Variants in SPATA16 observed in about 807,000 individuals in gnomAD.
SPATA16 encodes spermatogenesis-associated protein 16.
In SPATA16, 36 loss-of-function variants were observed where a neutral mutation model predicts 63.3. The ratio of observed to expected loss-of-function variants is 0.57; its 90% CI spans 0.44 to 0.75. SPATA16 has a LOEUF of 0.75. SPATA16 is among the 30% of genes least tolerant of loss of function. The pLI, the probability that SPATA16 is intolerant of heterozygous loss-of-function variation, is 0.00. For missense variants in SPATA16, 646 were observed against 679.3 expected, an observed-to-expected ratio of 0.95 and a Z score of 0.54; for synonymous variants, 203 against 216.7, an observed-to-expected ratio of 0.94 and a Z score of 0.56.
chr3:173,019,729 GC>G (rs1735277146), intron 3 of SPATA16, among the ~76,000 whole-genome samples, 154 bp from the exon 4 acceptor site: 2 of 152,054 alleles, frequency 1.3e-5, no homozygotes, highest in Admixed American at 1.3e-4. Flanking sequence ...CCCGTAATTG[GC>G]AATTAAGACA....
chr3:172,917,334 T>C (rs182086127), intron 8 of SPATA16, among the ~76,000 whole-genome samples: 3 of 152,276 alleles, frequency 2.0e-5, no homozygotes, highest in Admixed American at 2.0e-4. Context: ...GATTTGGGGG[T>C]ATATAAGGGT....
chr3:173,123,829 C>T (rs1738154043), intron 1 of SPATA16, among the ~76,000 whole-genome samples: 1 of 152,016 alleles, frequency 6.6e-6, no homozygotes, highest in African/African-American at 2.4e-5. Flanking sequence ...ATCTTGAACT[C>T]CTGACCTCAG....
At chr3:172,958,193 A>T (rs11915207) in intron 5 of SPATA16, among the ~76,000 whole-genome samples, 2 of 152,146 alleles carry the variant, frequency 1.3e-5, no homozygotes. Flanking sequence ...GATGGAGTGC[A>T]TGGCAAATAA....
intron 1 of SPATA16, among the ~76,000 whole-genome samples, chr3:173,130,133 C>T (rs774602895): frequency 6.6e-6 from 1 of 151,880 alleles, no homozygotes; most frequent in Non-Finnish European, 1.5e-5. Context: ...GGGGTCGAGG[C>T]GGCGGATCAC....
chr3:173,136,283 AGTTGC>A (rs1228123715), intron 1 of SPATA16, among the ~76,000 whole-genome samples: 1 of 152,196 alleles, frequency 6.6e-6, no homozygotes, highest in East Asian at 1.9e-4. Context: ...AACATGTAGC[AGTTGC>A]TTGCTTTCAT....
At chr3:172,999,395 A>ATTTCTTTCTTTCTTTC (rs144082601) in intron 4 of SPATA16, among the ~76,000 whole-genome samples, 18 of 150,572 alleles carry the variant, frequency 1.2e-4, no homozygotes, top group East Asian at 2.0e-4. Context: ...CCCCTATTTC[A>ATTTCTTTCTTTCTTTC]TTTCTTTCTT....
At chr3:173,049,218 GTA>G in intron 2 of SPATA16, 124 bp from the exon 3 acceptor site, 4 of 1,032,746 alleles carry the variant, frequency 3.9e-6, no homozygotes, top group South Asian at 3.4e-5. Context: ...TATGTTTTGC[GTA>G]TATGTTAAAA....
intron 4 of SPATA16, among the ~76,000 whole-genome samples, chr3:172,991,525 T>C (rs140342737): frequency 0.011 from 1,642 of 152,316 alleles, 67 homozygotes; most frequent in Admixed American, 0.022. Context: ...CATGTATTTA[T>C]CTGCAGCCAG....
intron 5 of SPATA16, among the ~76,000 whole-genome samples, chr3:172,973,087 T>C (rs1219054785): frequency 6.6e-6 from 1 of 152,210 alleles, no homozygotes; most frequent in Non-Finnish European, 1.5e-5. Context: ...GACATTAAAA[T>C]GAAATGTTGA....
chr3:173,140,181 A>G (rs1738670030), intron 1 of SPATA16, among the ~76,000 whole-genome samples: 1 of 152,196 alleles, frequency 6.6e-6, no homozygotes, highest in Non-Finnish European at 1.5e-5. Context: ...AAATTAGGGT[A>G]GTTTCTGTTA....
At chr3:172,953,227 A>G (rs1456357051) in intron 6 of SPATA16, among the ~76,000 whole-genome samples, 3 of 152,172 alleles carry the variant, frequency 2.0e-5, no homozygotes, top group Non-Finnish European at 1.5e-5. Flanking sequence ...TACTGTGTAA[A>G]TAAATGTTCG....
At chr3:172,900,843 A>G (rs1399175002) in intron 10 of SPATA16, among the ~76,000 whole-genome samples, 3 of 151,920 alleles carry the variant, frequency 2.0e-5, no homozygotes, top group Non-Finnish European at 2.9e-5. Flanking sequence ...GGGTTTCACT[A>G]TATTGGCCAG....
intron 6 of SPATA16, among the ~76,000 whole-genome samples, chr3:172,941,603 G>A (rs1733148651): frequency 6.6e-6 from 1 of 152,142 alleles, no homozygotes; most frequent in African/African-American, 2.4e-5. Flanking sequence ...GAACTAGGGT[G>A]AATTAGAGAC....
intron 4 of SPATA16, among the ~76,000 whole-genome samples, chr3:172,993,451 T>G (rs1734627880): frequency 1.3e-5 from 2 of 152,066 alleles, no homozygotes; most frequent in Admixed American, 6.6e-5. Flanking sequence ...AAAAAAGTAG[T>G]AATTAATTGA....
At chr3:172,913,848 AT>A in intron 9 of SPATA16, 104 bp from the exon 10 acceptor site, 1 of 977,250 alleles carries the variant, frequency 1.0e-6, no homozygotes. Context: ...TACGCTGATG[AT>A]TTTATTACTC....
chr3:173,049,295 A>C (rs1261306445), intron 2 of SPATA16, among the ~76,000 whole-genome samples: 1 of 151,952 alleles, frequency 6.6e-6, no homozygotes, highest in African/African-American at 2.4e-5. Flanking sequence ...AATTAAATAA[A>C]TTGTTCCTGT....
chr3:173,103,864 A>T (rs965598369), intron 2 of SPATA16, among the ~76,000 whole-genome samples: 2 of 152,218 alleles, frequency 1.3e-5, no homozygotes, highest in African/African-American at 4.8e-5. Context: ...CACATGGCCA[A>T]GCTGCAAATT....
At chr3:173,000,667 A>T (rs1577125843) in intron 4 of SPATA16, among the ~76,000 whole-genome samples, 1 of 147,706 alleles carries the variant, frequency 6.8e-6, no homozygotes, top group East Asian at 2.0e-4. Context: ...CCCTTTACAC[A>T]TATGTGACAT....
At chr3:173,098,780 TAAAGG>T (rs1486285213) in intron 2 of SPATA16, among the ~76,000 whole-genome samples, 1 of 151,978 alleles carries the variant, frequency 6.6e-6, no homozygotes, top group East Asian at 1.9e-4. Context: ...GCACAGATAG[TAAAGG>T]AAAAAATTAT....
Sources: allele counts gnomAD v4.1 joint callset (sites outside exome capture counted in the v4.1 genomes callset), GRCh38; gene constraint gnomAD v4.1.1; transcripts MANE v1.5; gene names NCBI Gene and HGNC (gene_info 2026-07-23, HGNC 2026-07-21).